Variants in MALRD1 observed in about 807,000 individuals in gnomAD.
MALRD1 encodes the protein MAM and LDL receptor class A domain containing 1, also known as MAM and LDL-receptor class A domain-containing protein 1.
Under a neutral mutation model 242.1 loss-of-function variants are expected in MALRD1, and 247 were observed. The observed-to-expected ratio is 1.02, with a 90% confidence interval of 0.92 to 1.13. The LOEUF (loss-of-function observed/expected upper bound fraction) is 1.13, where lower values mean the gene tolerates loss of function less well. Among genes scored for constraint, MALRD1 ranks in the 50% most tolerant of loss-of-function variants. The probability of loss-of-function intolerance (pLI) is 0.00; values close to 1 mark genes in which losing one functional copy is unlikely to be tolerated. For synonymous variants in MALRD1, 995 were observed against 866.6 expected (o/e 1.15, Z -2.60); for missense variants, 2,989 against 2,533.1 (o/e 1.18, Z -3.86).
chr10:19,393,415 C>G (rs1176794197), intron 28 of MALRD1, among the ~76,000 whole-genome samples: 1 of 147,350 alleles, frequency 6.8e-6, no homozygotes, highest in Non-Finnish European at 1.5e-5. Flanking sequence ...TACCTATTTT[C>G]TAGTCACTTG....
chr10:19,373,460 A>C (rs573901287), intron 26 of MALRD1, among the ~76,000 whole-genome samples: 3 of 151,992 alleles, frequency 2.0e-5, no homozygotes, highest in Non-Finnish European at 4.4e-5. Context: ...CGGAGGTTGC[A>C]GTGAGCCGAG....
chr10:19,122,678 C>T (rs1837104551), intron 5 of MALRD1, among the ~76,000 whole-genome samples: 1 of 151,976 alleles, frequency 6.6e-6, no homozygotes, highest in Non-Finnish European at 1.5e-5. Flanking sequence ...TCCTAGTCTA[C>T]CTTCAAGTCT....
At chr10:19,615,570 A>G (rs1839116260) in intron 35 of MALRD1, among the ~76,000 whole-genome samples, 1 of 151,292 alleles carries the variant, frequency 6.6e-6, no homozygotes, top group Non-Finnish European at 1.5e-5. Context: ...CAAAAAATAA[A>G]TAAAAATTAA....
intron 7 of MALRD1, among the ~76,000 whole-genome samples, chr10:19,127,541 C>A (rs911573227): frequency 6.6e-6 from 1 of 152,066 alleles, no homozygotes; most frequent in African/African-American, 2.4e-5. Context: ...CATGAAGAAG[C>A]AATTCAGACT....
intron 2 of MALRD1, among the ~76,000 whole-genome samples, chr10:19,076,928 A>G (rs1286275690): frequency 6.6e-6 from 1 of 151,970 alleles, no homozygotes; most frequent in African/African-American, 2.4e-5. Context: ...GCTATCATGC[A>G]TCATGTCTTT....
At chr10:19,288,945 C>T (rs775624521) in intron 21 of MALRD1, among the ~76,000 whole-genome samples, 1 of 152,062 alleles carries the variant, frequency 6.6e-6, no homozygotes, top group East Asian at 1.9e-4. Context: ...CAGTTATTTT[C>T]TTCAGGCTGA....
chr10:19,224,905 C>G (rs1041443539), intron 18 of MALRD1, among the ~76,000 whole-genome samples: 2 of 152,182 alleles, frequency 1.3e-5, no homozygotes, highest in African/African-American at 4.8e-5. Flanking sequence ...GTCATGAAGT[C>G]TTTGCCTTTG....
At chr10:19,303,907 C>A (rs1417741835) in intron 21 of MALRD1, among the ~76,000 whole-genome samples, 1 of 151,492 alleles carries the variant, frequency 6.6e-6, no homozygotes, top group Non-Finnish European at 1.5e-5. Flanking sequence ...AGTCCAGTAC[C>A]AAAAATGAAA....
intron 24 of MALRD1, among the ~76,000 whole-genome samples, chr10:19,334,926 G>A (rs183846939): frequency 2.6e-5 from 4 of 152,010 alleles, no homozygotes; most frequent in Admixed American, 2.0e-4. Context: ...AGAATTCAAG[G>A]TATCATTTTA....
In MALRD1 at chr10:19,087,923, C is replaced by A; in HGVS notation, c.424C>A (p.His142Asn). 1 of 1,231,924 alleles carries A rather than the reference C, an allele frequency of 8.1e-7. No homozygotes were observed. The highest frequency in any genetic ancestry group is 1.0e-6 in the Non-Finnish European group (1 of 987,070). 76.3% of individuals were successfully genotyped at this position (1,231,924 alleles called of 1,614,324 possible). Reference protein sequence around the residue: ...SRVFLPTNDQHDCQITFYYFS... With the variant: ...SRVFLPTNDQNDCQITFYYFS... Reference sequence around the variant, plus strand: ...AGTTTTCCTTCCAACAAATGATCAACATGACTGCCAGGTATTTGAAAGCAC... The same window carrying A: ...AGTTTTCCTTCCAACAAATGATCAAAATGACTGCCAGGTATTTGAAAGCAC... Residue 142 changes from histidine (H) to asparagine (N), a missense_variant, in exon 3 of 40, where the codon CAT (histidine) becomes AAT (asparagine). Coordinates refer to ENST00000454679, the MANE Select transcript of MALRD1 (RefSeq NM_001142308.3).
At chr10:19,523,027 C>T (rs1442315403) in intron 31 of MALRD1, among the ~76,000 whole-genome samples, 1 of 152,020 alleles carries the variant, frequency 6.6e-6, no homozygotes, top group Non-Finnish European at 1.5e-5. Flanking sequence ...TCTAAATTTC[C>T]CAGGAGAGTA....
At chr10:19,494,515 T>C (rs1837627908) in intron 30 of MALRD1, among the ~76,000 whole-genome samples, 1 of 151,942 alleles carries the variant, frequency 6.6e-6, no homozygotes, top group Non-Finnish European at 1.5e-5. Flanking sequence ...TGAAACCCAA[T>C]CCAAAGAAGC....
At chr10:19,571,710 C>T (rs1333426434) in intron 33 of MALRD1, among the ~76,000 whole-genome samples, 1 of 152,022 alleles carries the variant, frequency 6.6e-6, no homozygotes, top group East Asian at 1.9e-4. Context: ...TTTCAGTATT[C>T]ATTTATGTGT....
In MALRD1 at chr10:19,708,995, T is replaced by C. The variant is rs1270443402; in HGVS notation, c.6314+16441T>C. On this transcript the variant is annotated intron_variant, in intron 38 of 39. Coordinates refer to ENST00000454679, the MANE Select transcript of MALRD1 (RefSeq NM_001142308.3). Reference sequence around the variant, plus strand: ...TTTATTTTGAAATGGAAACAGTGTATCACAGAAACATGGATAAGCCTTTTT... The same window carrying C: ...TTTATTTTGAAATGGAAACAGTGTACCACAGAAACATGGATAAGCCTTTTT... 2.5e-5 allele frequency among the ~76,000 whole-genome samples: 3 copies of C among 121,068 alleles called. 1 individual carries two copies. The highest frequency in any genetic ancestry group is 7.8e-5 in the African/African-American group (3 of 38,276). 79.4% of individuals were successfully genotyped at this position (121,068 alleles called of 152,430 possible). A position where few individuals can be genotyped will look rare whatever the true frequency, so the allele number is the denominator to read the frequency against.
chr10:19,544,204 T>A (rs1466492524), intron 32 of MALRD1, among the ~76,000 whole-genome samples: 2 of 152,064 alleles, frequency 1.3e-5, no homozygotes, highest in Non-Finnish European at 2.9e-5. Flanking sequence ...TGGTTTTTTT[T>A]TTTAGATGCA....
rs1490354576 is a variant in MALRD1 at position 19,368,339 on chromosome 10, T to A, written c.4441+16042T>A. On this transcript the variant is annotated intron_variant, in intron 26 of 39. Transcript: ENST00000454679. ...AGTTTCCTTCTTCTGCATGTGGATATCTAGGTTTCCCTAGCACCATTTATT... is the reference window on the plus strand; with the variant it reads ...AGTTTCCTTCTTCTGCATGTGGATAACTAGGTTTCCCTAGCACCATTTATT... Among the ~76,000 whole-genome samples, 3 of 152,188 alleles carry A rather than the reference T, an allele frequency of 2.0e-5. No homozygotes were observed. In the East Asian group the frequency reaches 5.8e-4, roughly 29 times the overall value.
intron 29 of MALRD1, among the ~76,000 whole-genome samples, chr10:19,451,707 G>A (rs996087041): frequency 1.1e-4 from 16 of 152,028 alleles, no homozygotes; most frequent in Non-Finnish European, 1.9e-4. Flanking sequence ...TGGTTTTTTT[G>A]TAGTGTTACA....
intron 36 of MALRD1, among the ~76,000 whole-genome samples, chr10:19,646,962 T>A (rs1840687248): frequency 6.6e-6 from 1 of 152,106 alleles, no homozygotes; most frequent in Non-Finnish European, 1.5e-5. Context: ...ATCAAAGACC[T>A]ATGAGAGGTA....
chr10:19,294,463 C>T (rs78905698), intron 21 of MALRD1, among the ~76,000 whole-genome samples: 1 of 152,030 alleles, frequency 6.6e-6, no homozygotes, highest in Non-Finnish European at 1.5e-5. Flanking sequence ...TTTTTATTGC[C>T]TAAAAGATTC....
Sources: allele counts gnomAD v4.1 joint callset (sites outside exome capture counted in the v4.1 genomes callset), GRCh38; gene constraint gnomAD v4.1.1; transcripts MANE v1.5; gene names NCBI Gene and HGNC (gene_info 2026-07-23, HGNC 2026-07-21).